GPHN: variants seen among roughly 807,000 people sequenced by gnomAD.
GPHN encodes gephyrin.
Under a neutral mutation model 95.5 loss-of-function variants are expected in GPHN, and 17 were observed. That is an observed-to-expected ratio of 0.18 (90% CI 0.12 to 0.27). The LOEUF (loss-of-function observed/expected upper bound fraction) is 0.27, where lower values mean the gene tolerates loss of function less well. Ranked by LOEUF, GPHN falls within the 10% of genes least tolerant of loss-of-function variation. The probability of loss-of-function intolerance (pLI) is 1.00; values close to 1 mark genes in which losing one functional copy is unlikely to be tolerated. For synonymous variants in GPHN, 320 were observed against 322.5 expected (o/e 0.99, Z 0.08); for missense variants, 660 against 978.1 (o/e 0.67, Z 4.34).
chr14:67,306,185 G>T, the GPHN span, among the ~76,000 whole-genome samples: 6 of 152,306 alleles, frequency 3.9e-5, no homozygotes, highest in Admixed American at 3.3e-4. Flanking sequence ...GGCCATGCTG[G>T]TCTCGAACTC....
the GPHN span, among the ~76,000 whole-genome samples, chr14:67,541,204 T>C: frequency 6.6e-6 from 1 of 152,248 alleles, no homozygotes; most frequent in Non-Finnish European, 1.5e-5. Context: ...TTTTCTCATC[T>C]AACATTTTAT....
At chr14:67,157,653 C>T (rs892779273) in intron 18 of GPHN, among the ~76,000 whole-genome samples, 2 of 151,322 alleles carry the variant, frequency 1.3e-5, no homozygotes, top group Non-Finnish European at 3.0e-5. Context: ...GTGAAACGCT[C>T]TCTCTCCTAA....
chr14:66,508,959 C>A (rs945506423), intron 1 of GPHN: 10 of 340,426 alleles, frequency 2.9e-5, no homozygotes, highest in African/African-American at 2.2e-4. Flanking sequence ...CTCGGCTGGC[C>A]TGGGCGCATC....
At chr14:67,483,704 C>T in the GPHN span, among the ~76,000 whole-genome samples, 1 of 152,228 alleles carries the variant, frequency 6.6e-6, no homozygotes, top group Non-Finnish European at 1.5e-5. Context: ...CACCAGGACA[C>T]ACACAACCCA....
the GPHN span, chr14:67,199,601 G>C: frequency 1.3e-6 from 2 of 1,590,536 alleles, no homozygotes; most frequent in African/African-American, 2.7e-5. Flanking sequence ...CTTCGAGAAG[G>C]ACTCCAAGGG....
At chr14:66,542,729 G>A (rs773808354) in intron 1 of GPHN, among the ~76,000 whole-genome samples, 1 of 152,092 alleles carries the variant, frequency 6.6e-6, no homozygotes, top group African/African-American at 2.4e-5. Context: ...ACAGTTATTT[G>A]CTTTCCAATT....
intron 21 of GPHN, among the ~76,000 whole-genome samples, chr14:67,178,491 A>T (rs1242544153): frequency 3.3e-5 from 5 of 152,140 alleles, no homozygotes; most frequent in Admixed American, 3.3e-4. Flanking sequence ...GCTGCCTTTA[A>T]CATTTTTTCC....
At chr14:67,116,929 G>T (rs1019761597) in intron 16 of GPHN, among the ~76,000 whole-genome samples, 1 of 152,086 alleles carries the variant, frequency 6.6e-6, no homozygotes, top group Non-Finnish European at 1.5e-5. Flanking sequence ...AAAGCTATTT[G>T]CAACAGGAAC....
At chr14:67,553,474 G>A in the GPHN span, among the ~76,000 whole-genome samples, 1 of 152,154 alleles carries the variant, frequency 6.6e-6, no homozygotes, top group South Asian at 2.1e-4. Context: ...GAACTATCCA[G>A]CAATCATGAC....
chr14:67,169,299 T>A (rs2082461973), intron 21 of GPHN, among the ~76,000 whole-genome samples: 1 of 152,132 alleles, frequency 6.6e-6, no homozygotes, highest in Admixed American at 6.5e-5. Flanking sequence ...ACTTGAGTGA[T>A]ACTTAAGGAC....
intron 1 of GPHN, among the ~76,000 whole-genome samples, chr14:66,592,961 A>T (rs1419485934): frequency 3.9e-5 from 6 of 152,250 alleles, no homozygotes; most frequent in Non-Finnish European, 8.8e-5. Context: ...ATGGAATACT[A>T]TGGAGCCATA....
chr14:66,687,450 T>C (rs2067451261), intron 2 of GPHN, among the ~76,000 whole-genome samples: 1 of 152,066 alleles, frequency 6.6e-6, no homozygotes. Flanking sequence ...GCATGTTCAT[T>C]TTTACAATAT....
intron 1 of GPHN, among the ~76,000 whole-genome samples, chr14:66,625,334 G>A (rs1485870821): frequency 9.9e-5 from 15 of 152,060 alleles, no homozygotes; most frequent in Admixed American, 7.2e-4. Context: ...TGGTCTCCCA[G>A]AGTGCTAGGA....
intron 2 of GPHN, among the ~76,000 whole-genome samples, chr14:66,741,271 TATA>T (rs1179402352): frequency 6.6e-6 from 1 of 152,226 alleles, no homozygotes; most frequent in African/African-American, 2.4e-5. Context: ...ATGAGATAAA[TATA>T]ATATGCAAAT....
chr14:66,873,487 G>A (rs2063526974), intron 4 of GPHN, among the ~76,000 whole-genome samples: 1 of 152,204 alleles, frequency 6.6e-6, no homozygotes, highest in Non-Finnish European at 1.5e-5. Context: ...CACCCACACA[G>A]AACCCAGCAA....
At chr14:67,553,716 G>T in the GPHN span, among the ~76,000 whole-genome samples, 1 of 152,188 alleles carries the variant, frequency 6.6e-6, no homozygotes, top group East Asian at 1.9e-4. Flanking sequence ...ACATAATATT[G>T]ATTTATGCTG....
the GPHN span, among the ~76,000 whole-genome samples, chr14:67,425,515 C>G: frequency 6.6e-6 from 1 of 151,640 alleles, no homozygotes; most frequent in African/African-American, 2.4e-5. Context: ...TGCATTCCAG[C>G]CTGGGCAACA....
intron 16 of GPHN, among the ~76,000 whole-genome samples, chr14:67,118,774 G>A (rs1038800303): frequency 6.6e-6 from 1 of 151,916 alleles, no homozygotes; most frequent in African/African-American, 2.4e-5. Context: ...CGCGGGGGGA[G>A]TTACCTTTCT....
chr14:67,715,206 A>C, the GPHN span: 16,106 of 108,334 alleles, frequency 0.15, 964 homozygotes, highest in Middle Eastern at 0.27. Flanking sequence ...TCATAGCATA[A>C]TAGCCGTTAA....
Sources: allele counts gnomAD v4.1 joint callset (sites outside exome capture counted in the v4.1 genomes callset), GRCh38; gene constraint gnomAD v4.1.1; transcripts MANE v1.5; gene names NCBI Gene and HGNC (gene_info 2026-07-23, HGNC 2026-07-21).